SNUPN: variants seen among roughly 807,000 people sequenced by gnomAD.
The protein encoded by SNUPN is snurportin-1.
In SNUPN, 31 loss-of-function variants were observed where a neutral mutation model predicts 39.2. The observed-to-expected ratio is 0.79, with a 90% CI of 0.59 to 1.07. The LOEUF is 1.07. Ranked by LOEUF, SNUPN falls within the 50% of genes least tolerant of loss-of-function variation. The pLI is 0.00. For synonymous variants in SNUPN, 132 were observed against 159.0 expected, an observed-to-expected ratio of 0.83 and a Z score of 1.28; for missense variants, 382 against 434.2, an observed-to-expected ratio of 0.88 and a Z score of 1.07.
chr15:75,621,481 T>C (rs1025379487), intron 1 of SNUPN, among the ~76,000 whole-genome samples: 1 of 152,072 alleles, frequency 6.6e-6, no homozygotes, highest in Non-Finnish European at 1.5e-5. Context: ...AGGCTAGTCT[T>C]GAACTCTTGG....
intron 3 of SNUPN, among the ~76,000 whole-genome samples, chr15:75,616,573 G>A (rs1338240121): frequency 1.3e-5 from 2 of 152,142 alleles, no homozygotes; most frequent in Non-Finnish European, 1.5e-5. Flanking sequence ...TTACAGGTAT[G>A]AGCCACCACA....
At chr15:75,608,780 C>T (rs1407082181) in intron 5 of SNUPN, among the ~76,000 whole-genome samples, 2 of 152,136 alleles carry the variant, frequency 1.3e-5, no homozygotes, top group African/African-American at 2.4e-5. Flanking sequence ...CAACTGGGGA[C>T]GCTTGACCTT....
At chr15:75,605,121 A>T in intron 7 of SNUPN, 29 bp downstream of exon 7, 1 of 1,423,384 alleles carries the variant, frequency 7.0e-7, no homozygotes, top group Non-Finnish European at 9.9e-7. Flanking sequence ...CCCCATAAGG[A>T]ACTCAGTGAT....
chr15:75,598,270 T>A lies in SNUPN; in HGVS notation c.*88A>T. 1 of 1,065,974 alleles carries A rather than the reference T, an allele frequency of 9.4e-7. No homozygotes were observed. The allele number at this position is 1,065,974 out of a possible 1,614,324, so 66.0% of individuals were successfully genotyped here. ...GGTTTGGAAAGTTCACTCTAAAGAA[T>A]GAAGTCACCTGTTGTCACTGTCCTC... On this transcript the variant is annotated 3_prime_UTR_variant, in exon 9 of 9. Transcript: ENST00000308588.
intron 3 of SNUPN, among the ~76,000 whole-genome samples, chr15:75,612,095 C>G (rs1364008919): frequency 2.0e-5 from 3 of 149,620 alleles, no homozygotes; most frequent in African/African-American, 4.9e-5. Flanking sequence ...TGCAGTGGCA[C>G]AATCTCGGTT....
chr15:75,620,949 A>C lies in SNUPN; in HGVS notation c.103T>G (p.Tyr35Asp). The change falls in exon 2 of 9, where the codon TAC (tyrosine) becomes GAC (aspartate). Residue 35 changes from tyrosine (Y) to aspartate (D), a missense_variant. By Grantham distance (160) the Tyr-to-Asp change is radical. Coordinates refer to ENST00000308588, the MANE Select transcript of SNUPN (RefSeq NM_005701.4). ...HPRLSQYKSKYSSLEQSERRR... is the reference protein window; with the variant it reads ...HPRLSQYKSKDSSLEQSERRR... The stretch of plus-strand genomic sequence containing the variant: ...CGCTCACTCTGCTCCAAGGAACTGT[A>C]CTTGGACTTGTACTGGGATAGGCGG... 6.2e-7 allele frequency: 1 copy of C among 1,613,848 alleles called. No homozygotes were observed.
chr15:75,610,108 G>A (rs978847940), intron 3 of SNUPN, 114 bp from the exon 4 acceptor site: 1 of 826,856 alleles, frequency 1.2e-6, no homozygotes, highest in South Asian at 1.5e-5. Context: ...GAAAGAATGA[G>A]GGCAGAGAGC....
At chr15:75,623,419 G>C (rs537286060) in intron 1 of SNUPN, among the ~76,000 whole-genome samples, 1 of 151,374 alleles carries the variant, frequency 6.6e-6, no homozygotes, top group Admixed American at 6.6e-5. Flanking sequence ...AAAGTGCTGG[G>C]ATTACAGGTG....
At chr15:75,598,823 A>G in intron 8 of SNUPN, 142 bp from the exon 9 acceptor site, 1 of 579,200 alleles carries the variant, frequency 1.7e-6, no homozygotes, top group Non-Finnish European at 2.9e-6. Context: ...AGCTTCTCAC[A>G]CATGCCGTTT....
At chr15:75,605,288 CA>C in intron 6 of SNUPN, 61 bp from the exon 7 acceptor site, 2 of 1,077,362 alleles carry the variant, frequency 1.9e-6, no homozygotes, top group Non-Finnish European at 2.7e-6. Context: ...CTAATATAAA[CA>C]AAAACACCCC....
intron 5 of SNUPN, 101 bp from the exon 6 acceptor site, chr15:75,607,414 A>G: frequency 2.6e-6 from 2 of 760,632 alleles, no homozygotes; most frequent in East Asian, 2.6e-5. Context: ...GAGTCCAACA[A>G]TCCTCAGTGC....
Position 75,605,198 on chromosome 15 carries a change from T to C in SNUPN, c.630A>G (p.Ser210=). The change falls in exon 7 of 9, where the codon TCA becomes TCG. Residue 210 remains serine, a synonymous_variant. Coordinates refer to ENST00000308588, the MANE Select transcript of SNUPN (RefSeq NM_005701.4). ...CCAGTCCTTCTTCTTCTGGTAACTT[T>C]GAATGCATCCAGTAGAATCGGAAAT... ...QTDFRFYWMH[S]KLPEEEGLGE... The C allele has an allele frequency of 6.2e-7, 1 of 1,613,538 alleles. No individual in the cohort carries two copies. The highest frequency in any genetic ancestry group is 8.5e-7 in the Non-Finnish European group (1 of 1,179,534).
Position 75,609,907 on chromosome 15 carries a change from G to A in SNUPN, c.391C>T (p.Leu131Phe). The A allele has an allele frequency of 6.2e-7, 1 of 1,613,966 alleles. No homozygotes were observed. Among genetic ancestry groups the A allele is most frequent in the Non-Finnish European group, 8.5e-7 (1 of 1,179,918 alleles). Residue 131 changes from leucine to phenylalanine, a missense_variant, in exon 4 of 9, where the codon CTT becomes TTT. Physicochemically the swap from Leu to Phe is conservative, Grantham distance 22. Transcript: ENST00000308588. ...CTACTCACCCTGGAGGCCACGATAA[G>A]GGCTCTTTTTCCAACAGGGCACACG... The part of the protein sequence containing the change: ...VVVCPVGKRA[L>F]IVASRGSTSA...
At chr15:75,623,925 A>ATTT (rs144317163) in intron 1 of SNUPN, among the ~76,000 whole-genome samples, 29 of 118,400 alleles carry the variant, frequency 2.4e-4, no homozygotes, top group South Asian at 5.4e-4. Flanking sequence ...TCATGATAAA[A>ATTT]TTTTTTTTTT....
At chr15:75,599,147 G>A (rs935198195) in intron 8 of SNUPN, among the ~76,000 whole-genome samples, 2 of 151,410 alleles carry the variant, frequency 1.3e-5, no homozygotes, top group African/African-American at 4.9e-5. Flanking sequence ...CCAGCCTGGC[G>A]ACAGAGTGAG....
At chr15:75,622,311 A>G (rs913118468) in intron 1 of SNUPN, 36 of 984,086 alleles carry the variant, frequency 3.7e-5, no homozygotes, top group Admixed American at 6.2e-5. Context: ...GGGCAGAAAG[A>G]AGGTTTCAGG....
Position 75,598,456 on chromosome 15 carries a change from A to T in SNUPN, c.985T>A (p.Ser329Thr). The T allele has an allele frequency of 1.2e-6, 2 of 1,614,178 alleles. No homozygotes were observed. The highest frequency in any genetic ancestry group is 1.7e-6 in the Non-Finnish European group (2 of 1,180,018). ...TCCAATTCATAGTGCCCATTCTCAG[A>T]GGCCTTGTGTGTGAGTTTCTCCTTC... ...GMKEKLTHKASENGHYELEHL... is the reference protein window; with the variant it reads ...GMKEKLTHKATENGHYELEHL... Residue 329 changes from serine (S) to threonine (T), a missense_variant, in exon 9 of 9, where the codon TCT (serine) becomes ACT (threonine). Transcript: ENST00000308588.
intron 6 of SNUPN, 116 bp downstream of exon 6, chr15:75,607,100 T>C: frequency 2.6e-6 from 2 of 757,680 alleles, no homozygotes; most frequent in Non-Finnish European, 4.9e-6. Flanking sequence ...GTTCTTGATA[T>C]ACCACATCCT....
chr15:75,614,291 G>A (rs902115897), intron 3 of SNUPN, among the ~76,000 whole-genome samples: 9 of 151,642 alleles, frequency 5.9e-5, no homozygotes, highest in African/African-American at 1.2e-4. Context: ...ACTTCATCTC[G>A]AAAAAAGTAA....
Sources: gnomAD v4.1 joint callset for allele counts (sites outside exome capture counted in the v4.1 genomes callset) on GRCh38, gnomAD v4.1.1 for gene constraint, MANE v1.5 for transcripts, NCBI Gene and HGNC (gene_info 2026-07-23, HGNC 2026-07-21) for gene names.